Variants in SSBP2 observed in about 807,000 individuals in gnomAD.
SSBP2 encodes the protein single-stranded DNA-binding protein 2.
Under a neutral mutation model 61.8 loss-of-function variants are expected in SSBP2, and 17 were observed. The ratio of observed to expected loss-of-function variants is 0.28; its 90% confidence interval spans 0.19 to 0.41. The LOEUF (loss-of-function observed/expected upper bound fraction) is 0.41, where lower values mean the gene tolerates loss of function less well. SSBP2 is among the 10% of genes least tolerant of loss of function. The pLI, the probability that SSBP2 is intolerant of heterozygous loss-of-function variation, is 1.00. For synonymous variants in SSBP2, 139 were observed against 141.3 expected, an observed-to-expected ratio of 0.98 and a Z score of 0.12; for missense variants, 310 against 458.7, an observed-to-expected ratio of 0.68 and a Z score of 2.96.
intron 1 of SSBP2, among the ~76,000 whole-genome samples, chr5:81,749,675 A>G (rs371492236): frequency 1.3e-5 from 2 of 149,404 alleles, no homozygotes; most frequent in South Asian, 2.2e-4. Flanking sequence ...TTAAAAAAAA[A>G]AGGGGGGGGT....
chr5:81,608,972 CTAAT>C (rs1169406592), intron 4 of SSBP2, among the ~76,000 whole-genome samples: 2 of 151,956 alleles, frequency 1.3e-5, no homozygotes, highest in Non-Finnish European at 2.9e-5. Context: ...TCATGGGTAA[CTAAT>C]TATATAGAGA....
chr5:81,624,636 G>C (rs961315055), intron 3 of SSBP2, among the ~76,000 whole-genome samples: 1 of 152,058 alleles, frequency 6.6e-6, no homozygotes, highest in African/African-American at 2.4e-5. Context: ...CCTAATATTT[G>C]AGAACAATTG....
intron 4 of SSBP2, among the ~76,000 whole-genome samples, chr5:81,587,799 G>C (rs1317099141): frequency 1.3e-5 from 2 of 151,518 alleles, no homozygotes; most frequent in Non-Finnish European, 2.9e-5. Context: ...GCTTGAAACA[G>C]AATAAACTGA....
chr5:81,741,245 A>G (rs1369327165), intron 1 of SSBP2, among the ~76,000 whole-genome samples: 2 of 152,210 alleles, frequency 1.3e-5, no homozygotes, highest in African/African-American at 2.4e-5. Context: ...GACAAATACT[A>G]TATGATCCCA....
rs116246765 is a variant in SSBP2 at position 81,571,962 on chromosome 5, T to C, written c.282+43511A>G. 7.3e-3 allele frequency among the ~76,000 whole-genome samples: 1,117 copies of C among 152,298 alleles called. 2 individuals are homozygous for C. Among genetic ancestry groups the C allele is most frequent in the South Asian group, 0.012 (60 of 4,828 alleles). ...ACTTTTCCATGCCTTCCAACTCTTC[T>C]ACCTCAGTGAAACTGATTAGCTGCC... On this transcript the variant is annotated intron_variant, in intron 4 of 16. Coordinates refer to ENST00000320672, the MANE Select transcript of SSBP2 (RefSeq NM_012446.5).
At chr5:81,529,642 A>G (rs1770244901) in intron 4 of SSBP2, among the ~76,000 whole-genome samples, 5 of 152,138 alleles carry the variant, frequency 3.3e-5, no homozygotes, top group Admixed American at 3.3e-4. Context: ...GTTAAGCCAC[A>G]TCTTGAAGAA....
chr5:81,561,480 T>C (rs1773036336), intron 4 of SSBP2, among the ~76,000 whole-genome samples: 2 of 152,162 alleles, frequency 1.3e-5, no homozygotes, highest in Non-Finnish European at 2.9e-5. Context: ...CCTCAGGTTA[T>C]ATGTACCACG....
intron 5 of SSBP2, among the ~76,000 whole-genome samples, chr5:81,511,510 C>T (rs754007024): frequency 4.6e-5 from 7 of 152,184 alleles, no homozygotes; most frequent in Non-Finnish European, 1.0e-4. Flanking sequence ...CTACCCTCCC[C>T]ACTACCTTCT....
intron 4 of SSBP2, among the ~76,000 whole-genome samples, chr5:81,613,741 A>G (rs1314976278): frequency 6.6e-6 from 1 of 152,202 alleles, no homozygotes; most frequent in Non-Finnish European, 1.5e-5. Flanking sequence ...AGGCCAAATC[A>G]AGGCACGCAT....
intron 1 of SSBP2, among the ~76,000 whole-genome samples, chr5:81,669,219 C>T (rs1361995361): frequency 6.6e-6 from 1 of 152,182 alleles, no homozygotes; most frequent in Non-Finnish European, 1.5e-5. Context: ...CAGAGATTTT[C>T]CTTCATTGCT....
At chr5:81,595,908 A>G (rs76538751) in intron 4 of SSBP2, among the ~76,000 whole-genome samples, 5 of 152,138 alleles carry the variant, frequency 3.3e-5, no homozygotes, top group Non-Finnish European at 5.9e-5. Context: ...CATACTGAAT[A>G]GGCAAAAACT....
chr5:81,467,158 G>A, intron 8 of SSBP2, 93 bp from the exon 9 acceptor site: 1 of 721,944 alleles, frequency 1.4e-6, no homozygotes, highest in Non-Finnish European at 2.3e-6. Flanking sequence ...ATTGGATAAG[G>A]CCTGTGTAAT....
chr5:81,723,274 C>T (rs180682455), intron 1 of SSBP2, among the ~76,000 whole-genome samples: 38 of 151,978 alleles, frequency 2.5e-4, no homozygotes, highest in Admixed American at 6.6e-4. Flanking sequence ...AGTAATTTGT[C>T]CCTTGAGAAG....
At chr5:81,450,420 G>A (rs945243228) in intron 10 of SSBP2, among the ~76,000 whole-genome samples, 3 of 152,002 alleles carry the variant, frequency 2.0e-5, no homozygotes, top group Non-Finnish European at 4.4e-5. Flanking sequence ...TTTAGCACTT[G>A]GCTCATGTTC....
chr5:81,746,099 A>C (rs1757332223), intron 1 of SSBP2, among the ~76,000 whole-genome samples: 1 of 152,134 alleles, frequency 6.6e-6, no homozygotes, highest in South Asian at 2.1e-4. Context: ...CTGAAAAAAA[A>C]TTACAATATT....
Position 81,460,957 on chromosome 5 carries a change from C to A in SSBP2, c.687+98G>T, listed in dbSNP as rs1208368991. ...ATGATTACTTAAAAAAGGGTTACTACAACCAATTGCAAAGCTTTCAAAAGC... is the reference window on the plus strand; with the variant it reads ...ATGATTACTTAAAAAAGGGTTACTAAAACCAATTGCAAAGCTTTCAAAAGC... On this transcript the variant is annotated intron_variant, in intron 10 of 16. Transcript: ENST00000320672. 6.2e-6 allele frequency: 4 copies of A among 641,790 alleles called. No homozygotes were observed. The East Asian group carries it at 1.1e-4, about 18-fold the overall frequency. 39.8% of individuals were successfully genotyped at this position (641,790 alleles called of 1,614,324 possible).
At chr5:81,723,028 ATTAAC>A (rs371832951) in intron 1 of SSBP2, among the ~76,000 whole-genome samples, 32 of 152,024 alleles carry the variant, frequency 2.1e-4, no homozygotes, top group African/African-American at 7.5e-4. Flanking sequence ...CATGTGAAAA[ATTAAC>A]TTAAAGCCAG....
chr5:81,697,444 T>C (rs146646344), intron 1 of SSBP2, among the ~76,000 whole-genome samples: 1 of 152,216 alleles, frequency 6.6e-6, no homozygotes, highest in African/African-American at 2.4e-5. Flanking sequence ...TAGTCTATGA[T>C]TGCTTGTATT....
chr5:81,675,492 C>T (rs753011462), intron 1 of SSBP2, among the ~76,000 whole-genome samples: 8 of 152,136 alleles, frequency 5.3e-5, no homozygotes, highest in Admixed American at 3.3e-4. Flanking sequence ...CAAAATAAAA[C>T]GGTACAAGTG....
Sources: allele counts gnomAD v4.1 joint callset (sites outside exome capture counted in the v4.1 genomes callset), GRCh38; gene constraint gnomAD v4.1.1; transcripts MANE v1.5; gene names NCBI Gene and HGNC (gene_info 2026-07-23, HGNC 2026-07-21).